The following MDGA2 variants were observed in gnomAD, a reference collection of about 807,000 sequenced individuals.
MDGA2 encodes MAM domain-containing glycosylphosphatidylinositol anchor protein 2.
In MDGA2, 40 loss-of-function variants were observed where a neutral mutation model predicts 117.8. That is an observed-to-expected ratio of 0.34 (90% CI 0.26 to 0.44). The LOEUF is 0.44. MDGA2 is among the 20% of genes least tolerant of loss of function. The pLI is 1.00. For missense variants in MDGA2, 1,123 were observed against 1,250.6 expected (o/e 0.90, Z 1.54); for synonymous variants, 452 against 439.0 (o/e 1.03, Z -0.37).
At chr14:47,112,154 G>A (rs202226672) in intron 5 of MDGA2, among the ~76,000 whole-genome samples, 1 of 105,610 alleles carries the variant, frequency 9.5e-6, no homozygotes, top group African/African-American at 4.1e-5. Context: ...AGGAAAGAAA[G>A]ATAAAAGAAA....
At chr14:47,160,912 T>G (rs1883607044) in intron 3 of MDGA2, among the ~76,000 whole-genome samples, 1 of 152,244 alleles carries the variant, frequency 6.6e-6, no homozygotes, top group Non-Finnish European at 1.5e-5. Flanking sequence ...TAAATTTTGC[T>G]AGAAAATAAT....
chr14:47,478,174 T>G (rs1893881902), intron 1 of MDGA2, among the ~76,000 whole-genome samples: 2 of 152,204 alleles, frequency 1.3e-5, no homozygotes. Flanking sequence ...TTCAGTTGAC[T>G]AGTAGAAATT....
intron 1 of MDGA2, among the ~76,000 whole-genome samples, chr14:47,636,083 A>C (rs1355571603): frequency 6.6e-6 from 1 of 152,158 alleles, no homozygotes. Flanking sequence ...TACTTAGGGA[A>C]TAAGGCTTGC....
At chr14:47,138,429 C>A (rs1219964428) in intron 4 of MDGA2, among the ~76,000 whole-genome samples, 1 of 151,958 alleles carries the variant, frequency 6.6e-6, no homozygotes, top group Non-Finnish European at 1.5e-5. Context: ...ATGTCATGAA[C>A]ATCTTTACAA....
intron 1 of MDGA2, among the ~76,000 whole-genome samples, chr14:47,428,859 A>C (rs4627244): frequency 0.68 from 102,874 of 151,876 alleles, 35,350 homozygotes; most frequent in African/African-American, 0.78. Flanking sequence ...CCTTAAGAAC[A>C]AAATTTTTGT....
Position 47,561,157 on chromosome 14 carries a change from TGTTTTG to T in MDGA2, c.280+113354_280+113359del, listed in dbSNP as rs1566515947. ...TCTATCTTTGTTTTTTTTTTTGTTT[TGTTTTG>T]TTTTTTTGTTTGTTTGTTTTTTTTT... is the stretch of plus-strand genomic sequence containing the variant. On this transcript the variant is annotated intron_variant, in intron 1 of 16. Transcript: ENST00000399232. Among the ~76,000 whole-genome samples, 11 of 69,276 alleles carry T rather than the reference TGTTTTG, an allele frequency of 1.6e-4. 1 individual carries two copies. Among genetic ancestry groups the T allele is most frequent in the African/African-American group, 4.0e-4 (9 of 22,554 alleles). The allele number at this position is 69,276 out of a possible 152,430, so 45.4% of individuals were successfully genotyped here. A position where few individuals can be genotyped will look rare whatever the true frequency, so the allele number is the denominator to read the frequency against.
At chr14:47,586,893 T>C (rs1384171596) in intron 1 of MDGA2, among the ~76,000 whole-genome samples, 2 of 151,868 alleles carry the variant, frequency 1.3e-5, no homozygotes, top group Non-Finnish European at 2.9e-5. Context: ...CCGTTTCCAG[T>C]GATGTTCAAA....
At chr14:47,221,256 TGG>T (rs1886288615) in intron 2 of MDGA2, among the ~76,000 whole-genome samples, 1 of 152,024 alleles carries the variant, frequency 6.6e-6, no homozygotes, top group African/African-American at 2.4e-5. Context: ...AAAGTTACTC[TGG>T]AATCTTAAAC....
intron 1 of MDGA2, among the ~76,000 whole-genome samples, chr14:47,599,944 CAAT>C (rs1024058697): frequency 1.1e-4 from 16 of 152,102 alleles, no homozygotes; most frequent in Admixed American, 7.9e-4. Flanking sequence ...CACATATCCT[CAAT>C]AATGTCACTC....
chr14:46,938,590 C>T (rs1224296096), intron 9 of MDGA2, among the ~76,000 whole-genome samples: 1 of 139,036 alleles, frequency 7.2e-6, no homozygotes, highest in Non-Finnish European at 1.5e-5. Flanking sequence ...ATTAGAACAG[C>T]TATTATGAAA....
intron 2 of MDGA2, among the ~76,000 whole-genome samples, chr14:47,294,879 G>A (rs1480775981): frequency 6.6e-6 from 1 of 152,094 alleles, no homozygotes; most frequent in Admixed American, 6.5e-5. Context: ...AATCTGCATA[G>A]AAGATTAACA....
intron 8 of MDGA2, among the ~76,000 whole-genome samples, chr14:46,971,883 T>G (rs938313478): frequency 6.6e-6 from 1 of 152,192 alleles, no homozygotes; most frequent in Non-Finnish European, 1.5e-5. Context: ...AAATATATTG[T>G]TATCAGTACA....
chr14:47,462,051 A>G lies in MDGA2; in HGVS notation c.281-160501T>C, dbSNP rs141471017. On this transcript the variant is annotated intron_variant, in intron 1 of 16. Transcript: ENST00000399232. ...GTGAGTGATTTTCTTTGCCATTAAA[A>G]GAAGCTTAATACACTCTAATTGCTT... 3.2e-4 allele frequency among the ~76,000 whole-genome samples: 49 copies of G among 152,338 alleles called. 1 individual carries two copies. In the East Asian group the frequency reaches 9.3e-3, roughly 29 times the overall value.
intron 1 of MDGA2, among the ~76,000 whole-genome samples, chr14:47,436,706 A>G (rs1892906613): frequency 6.6e-6 from 1 of 152,068 alleles, no homozygotes; most frequent in Non-Finnish European, 1.5e-5. Context: ...AAATCACAAA[A>G]ACATTTTTTT....
At chr14:47,651,531 G>C (rs1011115090) in intron 1 of MDGA2, among the ~76,000 whole-genome samples, 2 of 152,216 alleles carry the variant, frequency 1.3e-5, no homozygotes, top group Middle Eastern at 3.4e-3. Flanking sequence ...AGAGGAATGA[G>C]AAACCACTGA....
At chr14:47,384,959 C>T (rs79986831) in intron 1 of MDGA2, among the ~76,000 whole-genome samples, 2,894 of 152,158 alleles carry the variant, frequency 0.019, 64 homozygotes, top group East Asian at 0.11. Flanking sequence ...ATTTGTCTTG[C>T]CAGGGTTTCA....
At chr14:47,361,211 ATATATATAT>A (rs1891116726) in intron 1 of MDGA2, among the ~76,000 whole-genome samples, 9 of 121,896 alleles carry the variant, frequency 7.4e-5, no homozygotes, top group Admixed American at 6.9e-4. Context: ...CTCTCTCTAT[ATATATATAT>A]ATATATATGG....
chr14:47,357,518 A>G (rs1394516739), intron 1 of MDGA2, among the ~76,000 whole-genome samples: 1 of 152,170 alleles, frequency 6.6e-6, no homozygotes, highest in Admixed American at 6.5e-5. Context: ...CTGGGTAAGC[A>G]CCTCTGGGAA....
chr14:47,459,504 C>T (rs868620762), intron 1 of MDGA2, among the ~76,000 whole-genome samples: 1 of 150,482 alleles, frequency 6.6e-6, no homozygotes, highest in African/African-American at 2.4e-5. Flanking sequence ...CCTTGCATCC[C>T]TCCCTCCGTC....
Sources: allele counts gnomAD v4.1 joint callset (sites outside exome capture counted in the v4.1 genomes callset), GRCh38; gene constraint gnomAD v4.1.1; transcripts MANE v1.5; gene names NCBI Gene and HGNC (gene_info 2026-07-23, HGNC 2026-07-21).